ARHGAP10: variants seen among roughly 807,000 people sequenced by gnomAD.
The protein encoded by ARHGAP10 is rho GTPase-activating protein 10.
In ARHGAP10, 87 loss-of-function variants were observed where a neutral mutation model predicts 108.6. That is an observed-to-expected ratio of 0.80 (90% CI 0.67 to 0.96). ARHGAP10 has a LOEUF of 0.96. ARHGAP10 is among the 40% of genes least tolerant of loss of function. The pLI is 0.00. For synonymous variants in ARHGAP10, 347 were observed against 341.1 expected (o/e 1.02, Z -0.19); for missense variants, 939 against 954.5 (o/e 0.98, Z 0.21).
chr4:147,737,763 C>G (rs886866092), intron 1 of ARHGAP10, among the ~76,000 whole-genome samples: 1 of 152,116 alleles, frequency 6.6e-6, no homozygotes, highest in African/African-American at 2.4e-5. Flanking sequence ...CAGACTTGAG[C>G]CAGGGTGGGG....
intron 20 of ARHGAP10, among the ~76,000 whole-genome samples, chr4:148,062,089 G>T (rs1193892237): frequency 6.6e-6 from 1 of 152,230 alleles, no homozygotes; most frequent in Non-Finnish European, 1.5e-5. Flanking sequence ...AGGGTAGGCT[G>T]CTGGGGCGGG....
At chr4:148,066,592 A>G (rs115160295) in intron 22 of ARHGAP10, among the ~76,000 whole-genome samples, 2 of 152,384 alleles carry the variant, frequency 1.3e-5, no homozygotes, top group African/African-American at 4.8e-5. Context: ...GTACATATGT[A>G]CACACATGTG....
chr4:147,924,810 G>T (rs1737396328), intron 13 of ARHGAP10, among the ~76,000 whole-genome samples: 1 of 152,160 alleles, frequency 6.6e-6, no homozygotes, highest in Admixed American at 6.5e-5. Flanking sequence ...CCTTCATGGG[G>T]TTGTTGTGAG....
At chr4:147,750,401 T>G (rs1729092115) in intron 1 of ARHGAP10, among the ~76,000 whole-genome samples, 1 of 152,174 alleles carries the variant, frequency 6.6e-6, no homozygotes. Flanking sequence ...GGAACGGGAT[T>G]AATACATAAT....
intron 4 of ARHGAP10, among the ~76,000 whole-genome samples, chr4:147,847,510 A>G (rs77601198): frequency 0.025 from 3,838 of 152,316 alleles, 150 homozygotes; most frequent in African/African-American, 0.083. Context: ...GAAGGAGCTT[A>G]TTACTGGGGG....
chr4:147,991,235 A>G (rs1172733567), intron 18 of ARHGAP10, among the ~76,000 whole-genome samples: 1 of 151,798 alleles, frequency 6.6e-6, no homozygotes, highest in Non-Finnish European at 1.5e-5. Flanking sequence ...AGCGGTCCTT[A>G]GGGCCACGTC....
rs187842275 is a variant in ARHGAP10, at chr4:148,003,733, C to T, written c.1717-19530C>T. Among the ~76,000 whole-genome samples the T allele has an allele frequency of 9.3e-4, 141 of 152,230 alleles. 2 individuals are homozygous for T. The highest frequency in any genetic ancestry group is 3.2e-3 in the African/African-American group (134 of 41,534). The stretch of plus-strand genomic sequence containing the variant: ...TTTTATCAGAGACTAGGATTGTAAC[C>T]CTTGCCTTTTTTTGTTTTCCATTTG... On this transcript the variant is annotated intron_variant, in intron 18 of 22. Transcript: ENST00000336498.
At chr4:148,054,565 G>A (rs1483185700) in intron 20 of ARHGAP10, among the ~76,000 whole-genome samples, 1 of 152,232 alleles carries the variant, frequency 6.6e-6, no homozygotes, top group Non-Finnish European at 1.5e-5. Context: ...CTCAGAGAGA[G>A]AACCTTTCTA....
intron 1 of ARHGAP10, among the ~76,000 whole-genome samples, chr4:147,746,933 T>C (rs2126686825): frequency 6.6e-6 from 1 of 152,344 alleles, no homozygotes; most frequent in Non-Finnish European, 1.5e-5. Flanking sequence ...CTGGTTGATA[T>C]TAATACTACA....
chr4:147,760,323 T>C (rs1324208916), intron 1 of ARHGAP10, among the ~76,000 whole-genome samples: 1 of 152,216 alleles, frequency 6.6e-6, no homozygotes, highest in Non-Finnish European at 1.5e-5. Context: ...CCAGTTAGTA[T>C]AGAAATGTTT....
chr4:147,990,665 C>G (rs939573908), intron 18 of ARHGAP10, among the ~76,000 whole-genome samples: 1 of 152,150 alleles, frequency 6.6e-6, no homozygotes, highest in African/African-American at 2.4e-5. Flanking sequence ...ATTAAGTGAA[C>G]TAACATAGGA....
At chr4:147,747,166 T>C (rs75629264) in intron 1 of ARHGAP10, among the ~76,000 whole-genome samples, 62 of 151,918 alleles carry the variant, frequency 4.1e-4, no homozygotes, top group African/African-American at 1.1e-3. Flanking sequence ...TTTTTTTTTT[T>C]CCCCCAAAGT....
At position 148,069,967 on chromosome 4, in the gene ARHGAP10, G is replaced by A. The variant is rs530965447; in HGVS notation, c.2273-2026G>A. ...AATCCTGGTATGAAGAACAATGTCAGAGTCAAGGTCAGTGAAGGCATGAAG... is the reference window on the plus strand; with the variant it reads ...AATCCTGGTATGAAGAACAATGTCAAAGTCAAGGTCAGTGAAGGCATGAAG... On this transcript the variant is annotated intron_variant, in intron 22 of 22. Coordinates refer to ENST00000336498, the MANE Select transcript of ARHGAP10 (RefSeq NM_024605.4). Among the ~76,000 whole-genome samples the A allele has an allele frequency of 5.9e-5, 9 of 152,360 alleles. No homozygotes were observed. In the South Asian group the frequency reaches 1.9e-3, roughly 32 times the overall value.
chr4:147,913,921 G>A (rs1039368941), intron 13 of ARHGAP10, among the ~76,000 whole-genome samples: 1 of 152,164 alleles, frequency 6.6e-6, no homozygotes, highest in African/African-American at 2.4e-5. Context: ...GGGAGGCTGC[G>A]GTGGGCAGAT....
chr4:148,058,315 C>T (rs1454166501), intron 20 of ARHGAP10, among the ~76,000 whole-genome samples: 1 of 152,104 alleles, frequency 6.6e-6, no homozygotes, highest in Non-Finnish European at 1.5e-5. Flanking sequence ...GATTTGATCT[C>T]GTATTGTATA....
chr4:147,904,129 G>A (rs1736359957), intron 10 of ARHGAP10, among the ~76,000 whole-genome samples: 1 of 152,098 alleles, frequency 6.6e-6, no homozygotes, highest in African/African-American at 2.4e-5. Flanking sequence ...GGTGTTGTCA[G>A]TGTTTTGGGT....
chr4:147,764,255 G>A (rs1261287868), intron 1 of ARHGAP10, among the ~76,000 whole-genome samples: 1 of 151,878 alleles, frequency 6.6e-6, no homozygotes, highest in African/African-American at 2.4e-5. Context: ...AGATGAGGGT[G>A]GGAAAGTAGC....
At chr4:147,825,170 G>A (rs1414771533) in intron 3 of ARHGAP10, among the ~76,000 whole-genome samples, 3 of 53,294 alleles carry the variant, frequency 5.6e-5, no homozygotes, top group Non-Finnish European at 1.1e-4. Context: ...ACAGAGGGCT[G>A]GGCGCAGTGG....
intron 11 of ARHGAP10, 136 bp from the exon 12 acceptor site, chr4:147,909,596 A>G (rs1736649350): frequency 5.5e-6 from 4 of 724,640 alleles, no homozygotes; most frequent in South Asian, 1.9e-5. Context: ...ATGCAGACCA[A>G]TTTCTTATTC....
Sources: allele counts gnomAD v4.1 joint callset (sites outside exome capture counted in the v4.1 genomes callset), GRCh38; gene constraint gnomAD v4.1.1; transcripts MANE v1.5; gene names NCBI Gene and HGNC (gene_info 2026-07-23, HGNC 2026-07-21).